ZFPM2: variants seen among roughly 807,000 people sequenced by gnomAD.
The protein encoded by ZFPM2 is zinc finger protein, FOG family member 2, also known as zinc finger protein ZFPM2.
ZFPM2 carries 20 observed loss-of-function variants against 98.6 expected under a neutral mutation model. The observed-to-expected ratio is 0.20, with a 90% confidence interval of 0.14 to 0.29. The LOEUF (loss-of-function observed/expected upper bound fraction) is 0.29. ZFPM2 is among the 10% of genes least tolerant of loss of function. The probability of loss-of-function intolerance (pLI) is 1.00; values close to 1 mark genes in which losing one functional copy is unlikely to be tolerated. For missense variants in ZFPM2, 1,310 were observed against 1,388.6 expected (o/e 0.94, Z 0.90); for synonymous variants, 518 against 502.7 (o/e 1.03, Z -0.41).
At chr8:105,755,509 G>C (rs774002968) in intron 5 of ZFPM2, among the ~76,000 whole-genome samples, 3 of 152,086 alleles carry the variant, frequency 2.0e-5, no homozygotes, top group Non-Finnish European at 4.4e-5. Context: ...ATTAATGTCA[G>C]ACATCATTTA....
At chr8:105,787,792 G>A (rs933572777) in intron 5 of ZFPM2, among the ~76,000 whole-genome samples, 16 of 152,166 alleles carry the variant, frequency 1.1e-4, no homozygotes, top group African/African-American at 3.1e-4. Context: ...AGGCATAACT[G>A]TATAGGATAC....
intron 5 of ZFPM2, among the ~76,000 whole-genome samples, chr8:105,671,265 T>C (rs953410439): frequency 2.6e-5 from 4 of 151,946 alleles, no homozygotes; most frequent in Non-Finnish European, 5.9e-5. Context: ...ATATTACCAA[T>C]TTTTTTGAAC....
At chr8:105,613,824 G>GC (rs1382620643) in intron 4 of ZFPM2, among the ~76,000 whole-genome samples, 1 of 151,940 alleles carries the variant, frequency 6.6e-6, no homozygotes, top group East Asian at 1.9e-4. Flanking sequence ...AAATCATTTT[G>GC]CCCCCCAAAA....
chr8:105,636,355 G>A (rs537259618), intron 5 of ZFPM2, among the ~76,000 whole-genome samples: 1 of 152,110 alleles, frequency 6.6e-6, no homozygotes, highest in South Asian at 2.1e-4. Flanking sequence ...TTAATTAACT[G>A]GTAAAGCATG....
intron 5 of ZFPM2, among the ~76,000 whole-genome samples, chr8:105,681,976 C>G (rs1810616174): frequency 6.6e-6 from 1 of 152,088 alleles, no homozygotes; most frequent in Non-Finnish European, 1.5e-5. Flanking sequence ...GTGCCTGATA[C>G]AGTGTAGCTT....
chr8:105,773,023 G>A (rs934840562), intron 5 of ZFPM2, among the ~76,000 whole-genome samples: 3 of 152,004 alleles, frequency 2.0e-5, no homozygotes, highest in African/African-American at 7.2e-5. Flanking sequence ...AAATCTTTGG[G>A]GATTATAAAC....
chr8:105,674,816 T>C (rs1047015214), intron 5 of ZFPM2, among the ~76,000 whole-genome samples: 1 of 152,128 alleles, frequency 6.6e-6, no homozygotes, highest in Non-Finnish European at 1.5e-5. Context: ...TGGGTGCCTT[T>C]ACTATGGTTG....
At chr8:105,540,379 T>C (rs569155478) in intron 3 of ZFPM2, among the ~76,000 whole-genome samples, 1 of 152,172 alleles carries the variant, frequency 6.6e-6, no homozygotes, top group East Asian at 1.9e-4. Context: ...TAAGTGAAAA[T>C]AACCTGCTTC....
At chr8:105,670,597 C>G (rs1817577037) in intron 5 of ZFPM2, among the ~76,000 whole-genome samples, 2 of 147,750 alleles carry the variant, frequency 1.4e-5, no homozygotes, top group Admixed American at 1.3e-4. Context: ...TCCCAGTAAA[C>G]TTTCCCTTCC....
intron 1 of ZFPM2, among the ~76,000 whole-genome samples, chr8:105,407,221 A>G (rs1811479185): frequency 2.0e-5 from 3 of 151,322 alleles, no homozygotes; most frequent in African/African-American, 7.3e-5. Context: ...TGAAAGAATG[A>G]TTTTTTAAAC....
At chr8:105,390,478 A>G (rs555068473) in intron 1 of ZFPM2, among the ~76,000 whole-genome samples, 1 of 152,282 alleles carries the variant, frequency 6.6e-6, no homozygotes, top group East Asian at 1.9e-4. Flanking sequence ...TGTGCTCACT[A>G]ACCAGGAAGC....
chr8:105,716,484 T>C (rs143261182), intron 5 of ZFPM2, among the ~76,000 whole-genome samples: 2,694 of 152,124 alleles, frequency 0.018, 43 homozygotes, highest in Non-Finnish European at 0.024. Context: ...TACGTGTGTG[T>C]ATATATGATT....
At chr8:105,603,605 A>C (rs1196037536) in intron 4 of ZFPM2, among the ~76,000 whole-genome samples, 1 of 152,132 alleles carries the variant, frequency 6.6e-6, no homozygotes, top group African/African-American at 2.4e-5. Context: ...TTTAGAGAAT[A>C]TTCATACACT....
intron 4 of ZFPM2, among the ~76,000 whole-genome samples, chr8:105,582,549 T>C (rs191651922): frequency 1.4e-3 from 211 of 152,278 alleles, no homozygotes; most frequent in Middle Eastern, 3.4e-3. Flanking sequence ...GTGATATATA[T>C]ACTGAGAATG....
At chr8:105,637,109 G>C (rs943704626) in intron 5 of ZFPM2, among the ~76,000 whole-genome samples, 4 of 152,132 alleles carry the variant, frequency 2.6e-5, no homozygotes, top group African/African-American at 4.8e-5. Context: ...CAATGAAATA[G>C]ATAGTATTTT....
At chr8:105,694,691 C>A (rs1276774293) in intron 5 of ZFPM2, among the ~76,000 whole-genome samples, 2 of 152,090 alleles carry the variant, frequency 1.3e-5, no homozygotes. Context: ...TCCTCCTTTC[C>A]TTTTAATTAA....
chr8:105,678,898 T>C (rs1810535732), intron 5 of ZFPM2: 1 of 152,206 alleles, frequency 6.6e-6, no homozygotes, highest in African/African-American at 2.4e-5. Flanking sequence ...TTGATTTCTC[T>C]CTAATTTCTG....
intron 3 of ZFPM2, among the ~76,000 whole-genome samples, chr8:105,473,531 A>G (rs185698741): frequency 7.0e-4 from 106 of 152,322 alleles, no homozygotes; most frequent in Non-Finnish European, 1.1e-3. Context: ...TTCGAGATCT[A>G]TTCAATTCTG....
At chr8:105,378,594 G>A (rs773312016) in intron 1 of ZFPM2, among the ~76,000 whole-genome samples, 6 of 152,066 alleles carry the variant, frequency 3.9e-5, no homozygotes, top group Non-Finnish European at 5.9e-5. Flanking sequence ...TTTTGTGACC[G>A]AATGAATAAA....
Sources: allele counts gnomAD v4.1 joint callset (sites outside exome capture counted in the v4.1 genomes callset), GRCh38; gene constraint gnomAD v4.1.1; transcripts MANE v1.5; gene names NCBI Gene and HGNC (gene_info 2026-07-23, HGNC 2026-07-21).